Variants in NUP160 observed in about 807,000 individuals in gnomAD.
The protein encoded by NUP160 is nuclear pore complex protein Nup160.
NUP160 carries 94 observed loss-of-function variants against 196.9 expected under a neutral mutation model. The ratio of observed to expected loss-of-function variants is 0.48; its 90% confidence interval spans 0.40 to 0.57. The LOEUF is 0.57. Among genes scored for constraint, NUP160 ranks in the 20% least tolerant of loss-of-function variants. The pLI is 0.00. For missense variants in NUP160, 1,638 were observed against 1,748.3 expected, an observed-to-expected ratio of 0.94 and a Z score of 1.13; for synonymous variants, 605 against 619.7, an observed-to-expected ratio of 0.98 and a Z score of 0.35.
At chr11:47,819,788 A>C in intron 9 of NUP160, among the ~76,000 whole-genome samples, 1 of 152,208 alleles carries the variant, frequency 6.6e-6, no homozygotes, top group East Asian at 1.9e-4. Flanking sequence ...TTCTGCATTT[A>C]TTATTTGCTA....
rs555201726 is a variant in NUP160 at position 47,827,759 on chromosome 11, G to A, written c.1102-5595C>T. On this transcript the variant is annotated intron_variant, in intron 7 of 35. Coordinates refer to ENST00000378460, the Ensembl canonical transcript of NUP160. The stretch of plus-strand genomic sequence containing the variant: ...CACTTCTATTCAACATTGTACTAGA[G>A]GATCTAGCCAGGACAATTAGTACCC... Among the ~76,000 whole-genome samples the A allele has an allele frequency of 2.0e-5, 3 of 150,626 alleles. No individual in the cohort carries two copies. The East Asian group carries it at 5.8e-4, about 29-fold the overall frequency.
intron 22 of NUP160, 151 bp from the exon 23 acceptor site, chr11:47,802,081 CT>C: frequency 1.6e-6 from 1 of 639,010 alleles, no homozygotes; most frequent in Non-Finnish European, 2.6e-6. Flanking sequence ...CATATGAATT[CT>C]ATGTGATGCA....
intron 2 of NUP160, among the ~76,000 whole-genome samples, chr11:47,847,419 A>G (rs1852419596): frequency 6.6e-6 from 1 of 152,136 alleles, no homozygotes; most frequent in Non-Finnish European, 1.5e-5. Context: ...CTATTCTGAC[A>G]TTGCTACAAC....
At chr11:47,806,519 C>A in intron 19 of NUP160, 1 of 495,022 alleles carries the variant, frequency 2.0e-6, no homozygotes, top group Non-Finnish European at 3.6e-6. Context: ...AAACACCATT[C>A]ACATCAAAGT....
intron 2 of NUP160, among the ~76,000 whole-genome samples, chr11:47,842,151 C>T (rs1852312623): frequency 6.6e-6 from 1 of 152,078 alleles, no homozygotes; most frequent in African/African-American, 2.4e-5. Flanking sequence ...ACTACCCTCT[C>T]CCAGTTTTCC....
intron 27 of NUP160, 41 bp downstream of exon 27, chr11:47,797,738 A>G (rs770212488): frequency 1.4e-6 from 2 of 1,389,406 alleles, no homozygotes; most frequent in East Asian, 2.3e-5. Flanking sequence ...GATTAAACTA[A>G]TAAGGCTGTC....
chr11:47,803,748 C>T (rs908513502), intron 21 of NUP160, among the ~76,000 whole-genome samples: 3 of 152,192 alleles, frequency 2.0e-5, no homozygotes, highest in African/African-American at 7.2e-5. Context: ...CAGTAACACA[C>T]ATACACATAC....
intron 7 of NUP160, among the ~76,000 whole-genome samples, chr11:47,829,982 C>G (rs1852043022): frequency 6.6e-6 from 1 of 152,182 alleles, no homozygotes; most frequent in South Asian, 2.1e-4. Flanking sequence ...TGACGAGGGT[C>G]TGATTTCCAA....
intron 27 of NUP160, 37 bp downstream of exon 27, chr11:47,797,742 G>A (rs773554740): frequency 3.0e-5 from 42 of 1,401,530 alleles, no homozygotes; most frequent in Non-Finnish European, 3.8e-5. Context: ...AAACTAATAA[G>A]GCTGTCTGCA....
intron 29 of NUP160, among the ~76,000 whole-genome samples, chr11:47,789,888 C>A (rs983452121): frequency 2.0e-5 from 3 of 151,756 alleles, no homozygotes; most frequent in Non-Finnish European, 4.4e-5. Context: ...TGACCAGAAG[C>A]CTTACTGACA....
chr11:47,822,580 T>C (rs1179737829), intron 7 of NUP160, among the ~76,000 whole-genome samples: 1 of 151,994 alleles, frequency 6.6e-6, no homozygotes, highest in African/African-American at 2.4e-5. Flanking sequence ...TTTTCTTTTT[T>C]TTTTTTTAAT....
chr11:47,836,077 T>A (rs1392935299), intron 6 of NUP160, among the ~76,000 whole-genome samples: 2 of 152,126 alleles, frequency 1.3e-5, no homozygotes, highest in Non-Finnish European at 2.9e-5. Flanking sequence ...TGAAACCCCA[T>A]CTCTACTAAA....
chr11:47,787,491 G>A lies in NUP160; in HGVS notation c.3746+691C>T, dbSNP rs577176994. On this transcript the variant is annotated intron_variant, in intron 31 of 35. Coordinates refer to ENST00000378460, the Ensembl canonical transcript of NUP160. ...GTTGCCCAGGCTCGAGTGCAGAGGC[G>A]CGATCTCAGCTCACTGCAACCTCTG... Among the ~76,000 whole-genome samples, 205 of 149,726 alleles carry A rather than the reference G, an allele frequency of 1.4e-3. 2 individuals are homozygous for A. Among genetic ancestry groups the A allele is most frequent in the South Asian group, 5.9e-3 (28 of 4,728 alleles).
rs1191842926 is a variant in NUP160 at position 47,793,731 on chromosome 11, T to G, written c.3290-785A>C. Among the ~76,000 whole-genome samples, 33 of 53,032 alleles carry G rather than the reference T, an allele frequency of 6.2e-4. 1 individual carries two copies. The highest frequency in any genetic ancestry group is 0.011 in the Middle Eastern group (1 of 88). The allele number at this position is 53,032 out of a possible 152,430, so 34.8% of individuals were successfully genotyped here. ...TATCTGTAAGATATCTGTTTTTTTT[T>G]TTTTTTTTTTTTTTTTTTTTTTTTT... On this transcript the variant is annotated intron_variant, in intron 27 of 35. Transcript: ENST00000378460.
At chr11:47,796,855 G>A (rs1351891566) in intron 27 of NUP160, among the ~76,000 whole-genome samples, 1 of 152,116 alleles carries the variant, frequency 6.6e-6, no homozygotes, top group African/African-American at 2.4e-5. Flanking sequence ...ACCATGCCCG[G>A]CTATTTTTTG....
exon 36 of NUP160, chr11:47,778,498 T>C (rs1335224322): frequency 6.6e-6 from 1 of 152,652 alleles, no homozygotes; most frequent in South Asian, 2.1e-4. Context: ...TACTCAACTT[T>C]AGCTCAGAAC....
At chr11:47,807,268 C>A in intron 18 of NUP160, 128 bp from the exon 19 acceptor site, 2 of 616,500 alleles carry the variant, frequency 3.2e-6, no homozygotes, top group Non-Finnish European at 5.7e-6. Context: ...ACTGAAAGCA[C>A]AAAAAAAATT....
intron 7 of NUP160, among the ~76,000 whole-genome samples, chr11:47,826,568 C>CA (rs1191745357): frequency 1.3e-5 from 2 of 151,458 alleles, no homozygotes; most frequent in African/African-American, 4.9e-5. Flanking sequence ...AATCCCCCCC[C>CA]CCTTTTTTTT....
chr11:47,831,135 C>T (rs555190782), intron 7 of NUP160, among the ~76,000 whole-genome samples: 1 of 152,110 alleles, frequency 6.6e-6, no homozygotes, highest in Admixed American at 6.6e-5. Flanking sequence ...TGCACTCCAG[C>T]CTGGGCAACA....
Sources: gnomAD v4.1 joint callset for allele counts (sites outside exome capture counted in the v4.1 genomes callset) on GRCh38, gnomAD v4.1.1 for gene constraint, MANE v1.5 for transcripts, NCBI Gene and HGNC (gene_info 2026-07-23, HGNC 2026-07-21) for gene names.